PROX1: variants seen among roughly 807,000 people sequenced by gnomAD.
The protein encoded by PROX1 is prospero homeobox 1, also known as prospero homeobox protein 1.
In PROX1, 7 loss-of-function variants were observed where a neutral mutation model predicts 58.8. That is an observed-to-expected ratio of 0.12 (90% CI 0.07 to 0.22). The LOEUF is 0.22. Among genes scored for constraint, PROX1 ranks in the 10% least tolerant of loss-of-function variants. The pLI is 1.00. For missense variants in PROX1, 675 were observed against 927.8 expected, an observed-to-expected ratio of 0.73 and a Z score of 3.54; for synonymous variants, 350 against 358.3, an observed-to-expected ratio of 0.98 and a Z score of 0.26.
chr1:214,030,271 C>A (rs1317970364), intron 4 of PROX1: 1 of 152,174 alleles, frequency 6.6e-6, no homozygotes, highest in African/African-American at 2.4e-5. Context: ...CTTTCCCATT[C>A]GCTAGCCATG....
chr1:213,983,424 G>A (rs1662748271), upstream of PROX1: 1 of 152,456 alleles, frequency 6.6e-6, no homozygotes, highest in Admixed American at 6.5e-5. Context: ...CTGCGAGCGG[G>A]ATCGAGCGCT....
chr1:214,030,999 A>C (rs1210856978), intron 4 of PROX1: 1 of 152,438 alleles, frequency 6.6e-6, no homozygotes, highest in Non-Finnish European at 1.5e-5. Context: ...ATGGAAAAAA[A>C]AAAGAACAGC....
intron 1 of PROX1, among the ~76,000 whole-genome samples, chr1:213,990,785 T>A (rs976705188): frequency 6.6e-5 from 10 of 151,974 alleles, no homozygotes; most frequent in African/African-American, 2.2e-4. Context: ...AAAGTGTTAC[T>A]GTTGTTAAAG....
At chr1:214,000,794 C>T (rs186728755) in intron 2 of PROX1, among the ~76,000 whole-genome samples, 16 of 152,282 alleles carry the variant, frequency 1.1e-4, no homozygotes, top group South Asian at 8.3e-4. Flanking sequence ...TCTCCTGTCT[C>T]TACCTCTGTA....
intron 4 of PROX1, among the ~76,000 whole-genome samples, chr1:214,016,509 G>C (rs530434364): frequency 6.6e-6 from 1 of 152,134 alleles, no homozygotes; most frequent in East Asian, 1.9e-4. Flanking sequence ...CTGCTGAGCC[G>C]TTTAAATAAT....
At chr1:214,015,546 C>T (rs1571827294) in intron 4 of PROX1, among the ~76,000 whole-genome samples, 1 of 151,958 alleles carries the variant, frequency 6.6e-6, no homozygotes, top group Non-Finnish European at 1.5e-5. Context: ...TTCCTCACAA[C>T]TGTGGCAGGA....
At chr1:214,004,526 C>T (rs1663636989) in intron 2 of PROX1, among the ~76,000 whole-genome samples, 1 of 152,158 alleles carries the variant, frequency 6.6e-6, no homozygotes, top group South Asian at 2.1e-4. Flanking sequence ...CAACAGCCCC[C>T]TCCCTGTCCT....
chr1:214,005,060 G>A (rs998558337), intron 2 of PROX1, 105 bp from the exon 3 acceptor site: 40 of 829,512 alleles, frequency 4.8e-5, no homozygotes, highest in Middle Eastern at 2.3e-4. Context: ...CACTCCCACC[G>A]CAGCTTGATG....
At chr1:214,021,646 G>T (rs1664283872) in intron 4 of PROX1, among the ~76,000 whole-genome samples, 1 of 152,212 alleles carries the variant, frequency 6.6e-6, no homozygotes, top group Non-Finnish European at 1.5e-5. Context: ...GCCACGGTTT[G>T]GTGATGGTGC....
At chr1:214,022,839 C>A (rs1472821301) in intron 4 of PROX1, among the ~76,000 whole-genome samples, 1 of 152,204 alleles carries the variant, frequency 6.6e-6, no homozygotes, top group Non-Finnish European at 1.5e-5. Context: ...GGGTATTCTG[C>A]ATTCTCTAAA....
intron 4 of PROX1, among the ~76,000 whole-genome samples, chr1:214,024,167 C>T (rs1664375334): frequency 6.6e-6 from 1 of 152,278 alleles, no homozygotes; most frequent in Non-Finnish European, 1.5e-5. Flanking sequence ...CAAAAGCCCC[C>T]GAGTTCATTC....
At chr1:214,001,865 TAA>T (rs543132498) in intron 2 of PROX1, among the ~76,000 whole-genome samples, 1 of 146,066 alleles carries the variant, frequency 6.8e-6, no homozygotes, top group Non-Finnish European at 1.5e-5. Flanking sequence ...GTAAGTAAAT[TAA>T]AAAAAAAAAA....
intron 2 of PROX1, among the ~76,000 whole-genome samples, chr1:214,004,014 C>G (rs1175920556): frequency 2.0e-5 from 3 of 151,872 alleles, no homozygotes; most frequent in African/African-American, 7.3e-5. Flanking sequence ...ACTTTCTTTT[C>G]TTTTTTTTCT....
intron 4 of PROX1, among the ~76,000 whole-genome samples, chr1:214,026,030 T>A (rs1664445210): frequency 6.6e-6 from 1 of 152,220 alleles, no homozygotes; most frequent in African/African-American, 2.4e-5. Flanking sequence ...AGATGAGCAA[T>A]TTCTGCACAG....
At chr1:213,993,747 A>G (rs1663121361) in intron 1 of PROX1, among the ~76,000 whole-genome samples, 1 of 152,222 alleles carries the variant, frequency 6.6e-6, no homozygotes, top group Non-Finnish European at 1.5e-5. Flanking sequence ...GCCTATTAAT[A>G]TAATGCCTTG....
chr1:214,013,562 C>T (rs868207880), intron 4 of PROX1, among the ~76,000 whole-genome samples: 26 of 61,960 alleles, frequency 4.2e-4, no homozygotes, highest in South Asian at 9.6e-4. Flanking sequence ...CCTTAAAGTG[C>T]GCACGAGGGT....
At chr1:214,022,613 A>C (rs1346250565) in intron 4 of PROX1, among the ~76,000 whole-genome samples, 1 of 152,200 alleles carries the variant, frequency 6.6e-6, no homozygotes, top group Non-Finnish European at 1.5e-5. Context: ...GTTCCAGATG[A>C]GAAGGACACG....
At chr1:214,011,469 A>C (rs1362377997) in intron 3 of PROX1, 52 bp from the exon 4 acceptor site, 22 of 1,480,480 alleles carry the variant, frequency 1.5e-5, no homozygotes, top group Non-Finnish European at 2.0e-5. Flanking sequence ...TTAAAAAAAT[A>C]AATGAAGAAA....
At chr1:213,994,771 ATATATAT>A (rs1558167561) in intron 1 of PROX1, among the ~76,000 whole-genome samples, 1,353 of 33,824 alleles carry the variant, frequency 0.04, 77 homozygotes, top group East Asian at 0.13. Flanking sequence ...ATATATATAT[ATATATAT>A]ATATATATAT....
Sources: gnomAD v4.1 joint callset for allele counts (sites outside exome capture counted in the v4.1 genomes callset) on GRCh38, gnomAD v4.1.1 for gene constraint, MANE v1.5 for transcripts, NCBI Gene and HGNC (gene_info 2026-07-23, HGNC 2026-07-21) for gene names.